Variants in TMEM132D observed in about 807,000 individuals in gnomAD.
TMEM132D encodes transmembrane protein 132D, also known as mature OL transmembrane protein.
A neutral mutation model predicts 62.3 loss-of-function variants in TMEM132D; 21 were observed. The ratio of observed to expected loss-of-function variants is 0.34; its 90% confidence interval spans 0.24 to 0.49. The LOEUF is 0.49. TMEM132D is among the 20% of genes least tolerant of loss of function. The pLI is 0.99. For synonymous variants in TMEM132D, 621 were observed against 575.6 expected (o/e 1.08, Z -1.13); for missense variants, 1,346 against 1,402.8 (o/e 0.96, Z 0.65).
chr12:129,134,682 T>A (rs758985639), intron 5 of TMEM132D, among the ~76,000 whole-genome samples: 1 of 152,150 alleles, frequency 6.6e-6, no homozygotes, highest in Non-Finnish European at 1.5e-5. Flanking sequence ...AGAAAGTAAT[T>A]GATGGAGTCC....
intron 2 of TMEM132D, among the ~76,000 whole-genome samples, chr12:129,558,529 AC>A (rs2137111348): frequency 6.6e-6 from 1 of 152,286 alleles, no homozygotes; most frequent in South Asian, 2.1e-4. Context: ...GCTGCTGGGA[AC>A]GTGAGCAATC....
intron 3 of TMEM132D, among the ~76,000 whole-genome samples, chr12:129,480,864 A>G (rs1484520675): frequency 6.6e-6 from 1 of 152,198 alleles, no homozygotes; most frequent in Non-Finnish European, 1.5e-5. Flanking sequence ...CAATTCTCAC[A>G]GAGGACCAGA....
At chr12:129,591,575 G>A (rs974741739) in intron 2 of TMEM132D, among the ~76,000 whole-genome samples, 1 of 151,206 alleles carries the variant, frequency 6.6e-6, no homozygotes, top group African/African-American at 2.4e-5. Context: ...CTAGGGTGGG[G>A]CCACATCATA....
intron 3 of TMEM132D, among the ~76,000 whole-genome samples, chr12:129,368,430 C>A (rs995092015): frequency 6.6e-6 from 1 of 152,274 alleles, no homozygotes; most frequent in Non-Finnish European, 1.5e-5. Flanking sequence ...CATTACCATT[C>A]TGTTCATTTG....
At chr12:129,830,777 A>C (rs1177024886) in intron 1 of TMEM132D, among the ~76,000 whole-genome samples, 1 of 152,172 alleles carries the variant, frequency 6.6e-6, no homozygotes, top group African/African-American at 2.4e-5. Context: ...ACTTTATAAA[A>C]GTTAGTTATT....
intron 5 of TMEM132D, among the ~76,000 whole-genome samples, chr12:129,087,032 C>G (rs1874642895): frequency 6.6e-6 from 1 of 152,036 alleles, no homozygotes; most frequent in Non-Finnish European, 1.5e-5. Context: ...CTAAGTCTAC[C>G]ATACAGTATT....
chr12:129,185,575 T>G (rs1047072688), intron 5 of TMEM132D, among the ~76,000 whole-genome samples: 2 of 151,888 alleles, frequency 1.3e-5, no homozygotes, highest in African/African-American at 4.8e-5. Context: ...TTTTATTATA[T>G]TATTTTATTT....
chr12:129,819,840 C>T (rs1202942110), intron 1 of TMEM132D, among the ~76,000 whole-genome samples: 8 of 152,070 alleles, frequency 5.3e-5, no homozygotes, highest in Admixed American at 1.3e-4. Context: ...GGTCTTTCAC[C>T]GGATTCAACC....
intron 3 of TMEM132D, among the ~76,000 whole-genome samples, chr12:129,383,992 A>G (rs1371169198): frequency 6.6e-6 from 1 of 152,226 alleles, no homozygotes; most frequent in South Asian, 2.1e-4. Context: ...CGAAAGCTGT[A>G]GAACCTCGTA....
chr12:129,483,613 C>T (rs1182836996), intron 3 of TMEM132D, among the ~76,000 whole-genome samples: 1 of 152,216 alleles, frequency 6.6e-6, no homozygotes, highest in Non-Finnish European at 1.5e-5. Context: ...ATTCGGTTAG[C>T]TTGGAACATC....
chr12:129,760,096 G>A (rs1049456452), intron 1 of TMEM132D, among the ~76,000 whole-genome samples: 6 of 151,956 alleles, frequency 3.9e-5, no homozygotes, highest in African/African-American at 1.5e-4. Context: ...TTGTAGAGAT[G>A]GAGTCTCGCT....
At chr12:129,285,163 C>G (rs1266438646) in intron 4 of TMEM132D, among the ~76,000 whole-genome samples, 1 of 152,056 alleles carries the variant, frequency 6.6e-6, no homozygotes, top group East Asian at 1.9e-4. Context: ...GTAGGAAGGA[C>G]AGGTAGTGCT....
intron 2 of TMEM132D, among the ~76,000 whole-genome samples, chr12:129,692,478 C>T (rs1039214525): frequency 4.6e-5 from 7 of 151,518 alleles, no homozygotes; most frequent in African/African-American, 1.7e-4. Context: ...AAAACTTTCT[C>T]CCATTCTGGG....
At chr12:129,462,133 T>C (rs1159850046) in intron 3 of TMEM132D, among the ~76,000 whole-genome samples, 2 of 151,924 alleles carry the variant, frequency 1.3e-5, no homozygotes, top group African/African-American at 4.8e-5. Context: ...TAGACAGGAA[T>C]GGTGGGAGAG....
At chr12:129,327,186 T>C (rs1868943694) in intron 4 of TMEM132D, among the ~76,000 whole-genome samples, 1 of 152,086 alleles carries the variant, frequency 6.6e-6, no homozygotes, top group South Asian at 2.1e-4. Flanking sequence ...GTGCCTTACA[T>C]TGGCTGAATT....
intron 3 of TMEM132D, among the ~76,000 whole-genome samples, chr12:129,483,895 G>T (rs1438655995): frequency 2.6e-5 from 4 of 152,166 alleles, no homozygotes. Context: ...AATTTAGTTT[G>T]CACCTGCCAA....
At chr12:129,409,472 A>G (rs1871900164) in intron 3 of TMEM132D, among the ~76,000 whole-genome samples, 1 of 152,172 alleles carries the variant, frequency 6.6e-6, no homozygotes, top group Non-Finnish European at 1.5e-5. Context: ...AAAACTTTCT[A>G]CGTTTTTTAA....
intron 3 of TMEM132D, among the ~76,000 whole-genome samples, chr12:129,527,790 T>C (rs1876091157): frequency 1.3e-5 from 2 of 152,226 alleles, no homozygotes; most frequent in Admixed American, 1.3e-4. Flanking sequence ...AGGCAACGCT[T>C]AATCAAAACA....
At chr12:129,750,149 G>A (rs1021409463) in intron 1 of TMEM132D, among the ~76,000 whole-genome samples, 10 of 151,896 alleles carry the variant, frequency 6.6e-5, no homozygotes, top group Non-Finnish European at 5.9e-5. Context: ...GCAGTGGTGC[G>A]ATCTCGGCTC....
Sources: gnomAD v4.1 joint callset for allele counts (sites outside exome capture counted in the v4.1 genomes callset) on GRCh38, gnomAD v4.1.1 for gene constraint, MANE v1.5 for transcripts, NCBI Gene and HGNC (gene_info 2026-07-23, HGNC 2026-07-21) for gene names.